TLN2: variants seen among roughly 807,000 people sequenced by gnomAD.
The protein encoded by TLN2 is talin 2.
TLN2 carries 118 observed loss-of-function variants against 294.7 expected under a neutral mutation model. That is an observed-to-expected ratio of 0.40 (90% CI 0.34 to 0.47). TLN2 has a LOEUF of 0.47. Among genes scored for constraint, TLN2 ranks in the 20% least tolerant of loss-of-function variants. The pLI, the probability that TLN2 is intolerant of heterozygous loss-of-function variation, is 0.84. For synonymous variants in TLN2, 1,431 were observed against 1,304.5 expected (o/e 1.10, Z -2.09); for missense variants, 3,083 against 3,282.2 (o/e 0.94, Z 1.48).
intron 1 of TLN2, among the ~76,000 whole-genome samples, chr15:62,453,056 T>C (rs1181607557): frequency 6.6e-6 from 1 of 152,222 alleles, no homozygotes; most frequent in African/African-American, 2.4e-5. Flanking sequence ...GAAATACTTA[T>C]ACTGCAGAAT....
At chr15:62,621,922 A>G (rs2140860724) in intron 3 of TLN2, among the ~76,000 whole-genome samples, 1 of 152,340 alleles carries the variant, frequency 6.6e-6, no homozygotes, top group African/African-American at 2.4e-5. Context: ...TCAGGACATA[A>G]AACCAGTTTG....
At chr15:62,686,596 T>G in intron 11 of TLN2, 45 bp from the exon 12 acceptor site, 1 of 1,576,894 alleles carries the variant, frequency 6.3e-7, no homozygotes, top group South Asian at 1.2e-5. Context: ...CAAAGTCAGA[T>G]GTATTCAGAA....
At chr15:62,550,346 G>A (rs565216712) in intron 1 of TLN2, among the ~76,000 whole-genome samples, 2 of 152,236 alleles carry the variant, frequency 1.3e-5, no homozygotes, top group Admixed American at 1.3e-4. Flanking sequence ...CTAAACTCAT[G>A]CAGCCGAAAA....
intron 1 of TLN2, among the ~76,000 whole-genome samples, chr15:62,518,067 TCTCA>T (rs2040271625): frequency 1.3e-5 from 2 of 151,698 alleles, no homozygotes; most frequent in South Asian, 4.2e-4. Context: ...TGAGATTGAG[TCTCA>T]CTCTGTCGCC....
Position 62,761,720 on chromosome 15 carries a change from T to C in TLN2, c.4678T>C (p.Cys1560Arg). The C allele has an allele frequency of 1.9e-6, 3 of 1,614,122 alleles. No individual in the cohort carries two copies. Among genetic ancestry groups the C allele is most frequent in the Non-Finnish European group, 1.7e-6 (2 of 1,180,022 alleles). The change falls in exon 38 of 59, where the codon TGT becomes CGT. Residue 1560 changes from cysteine to arginine, a missense_variant. Cys to Arg is a radical substitution (Grantham distance 180). Coordinates refer to ENST00000636159, the MANE Select transcript of TLN2 (RefSeq NM_015059.3). Reference protein sequence around the residue: ...GDFSEDNRNKCRIATAPLIEA... With the variant: ...GDFSEDNRNKRRIATAPLIEA... ...TTTCTCTGAAGACAACCGCAATAAG[T>C]GTCGCATCGCCACCGCACCCTTGAT...
intron 39 of TLN2, 47 bp downstream of exon 39, chr15:62,762,500 GA>G (rs779725182): frequency 6.3e-7 from 1 of 1,597,832 alleles, no homozygotes; most frequent in East Asian, 2.2e-5. Flanking sequence ...TCTCAGCGGG[GA>G]AGGAGGAGGA....
At chr15:62,601,354 C>T (rs923147974) in intron 2 of TLN2, among the ~76,000 whole-genome samples, 3 of 152,134 alleles carry the variant, frequency 2.0e-5, no homozygotes, top group African/African-American at 7.2e-5. Flanking sequence ...GTTTTTTGTT[C>T]TACAGTCTGG....
At chr15:62,582,289 G>C (rs1474697963) in intron 1 of TLN2, among the ~76,000 whole-genome samples, 1 of 144,766 alleles carries the variant, frequency 6.9e-6, no homozygotes, top group Non-Finnish European at 1.5e-5. Flanking sequence ...CTGTACCCCA[G>C]TTTTTTGGGG....
intron 3 of TLN2, among the ~76,000 whole-genome samples, chr15:62,629,000 C>T (rs1296229045): frequency 2.6e-5 from 4 of 151,998 alleles, no homozygotes; most frequent in Non-Finnish European, 4.4e-5. Flanking sequence ...AGTTTGCGAC[C>T]AGCCTGGACA....
intron 2 of TLN2, 62 bp from the exon 3 acceptor site, chr15:62,618,289 A>C (rs545214848): frequency 1.2e-4 from 18 of 152,216 alleles, no homozygotes; most frequent in Admixed American, 3.9e-4. Context: ...TTTCTGGTAC[A>C]AGATTTGTAA....
At chr15:62,527,817 T>C (rs894678159) in intron 1 of TLN2, among the ~76,000 whole-genome samples, 1 of 152,226 alleles carries the variant, frequency 6.6e-6, no homozygotes, top group African/African-American at 2.4e-5. Flanking sequence ...AGATGACCAT[T>C]ACTGAAAGTA....
Position 62,437,350 on chromosome 15 carries a change from C to T in TLN2, c.-238+46665C>T, listed in dbSNP as rs2035333787. 2.6e-5 allele frequency among the ~76,000 whole-genome samples: 4 copies of T among 151,854 alleles called. No individual in the cohort carries two copies. The South Asian group carries it at 8.3e-4, about 32-fold the overall frequency. On this transcript the variant is annotated intron_variant, in intron 1 of 58. Transcript: ENST00000636159. ...ATCTCCTGGTGATTGGTGGTGGCTG[C>T]TGAGAGAGATCATGAGGCCAGGTCA...
chr15:62,717,531 T>C, intron 23 of TLN2, 45 bp from the exon 24 acceptor site: 1 of 1,326,332 alleles, frequency 7.5e-7, no homozygotes, highest in Non-Finnish European at 1.0e-6. Flanking sequence ...AACATGCATG[T>C]ATATTGCATA....
Position 62,689,877 on chromosome 15 carries a change from T to TTTTTTTTTTTTTTTTTTTTTTTTTTA in TLN2, c.1114-2963_1114-2962insTTTTTTTTTTTTTTTTTTTTTTTTTA, listed in dbSNP as rs71131119. ...TTTTTTTTTTTTTTTTTTTTTTTTTTATTGGCTGACCCCCCTTCCTCCCTC... is the reference window on the plus strand; with the variant it reads ...TTTTTTTTTTTTTTTTTTTTTTTTTTTTTTTTTTTTTTTTTTTTTTTTTTTAATTGGCTGACCCCCCTTCCTCCCTC... On this transcript the variant is annotated intron_variant, in intron 12 of 58. Transcript: ENST00000636159. 1.1e-3 allele frequency among the ~76,000 whole-genome samples: 11 copies of TTTTTTTTTTTTTTTTTTTTTTTTTTA among 9,848 alleles called. 5 individuals carry two copies. Among genetic ancestry groups the TTTTTTTTTTTTTTTTTTTTTTTTTTA allele is most frequent in the Non-Finnish European group, 2.3e-3 (8 of 3,428 alleles). The allele number at this position is 9,848 out of a possible 152,430, so 6.5% of individuals were successfully genotyped here.
intron 37 of TLN2, among the ~76,000 whole-genome samples, chr15:62,756,347 C>T (rs949659850): frequency 5.3e-5 from 8 of 152,118 alleles, no homozygotes; most frequent in Admixed American, 1.3e-4. Flanking sequence ...ATCACTAGGC[C>T]TTAGTACTTG....
intron 2 of TLN2, among the ~76,000 whole-genome samples, chr15:62,604,498 C>T (rs2047253609): frequency 7.0e-6 from 1 of 142,960 alleles, no homozygotes; most frequent in Admixed American, 7.3e-5. Context: ...GCACTCCAGC[C>T]TGGGTGACAA....
At chr15:62,700,178 T>C (rs1021121350) in intron 16 of TLN2, among the ~76,000 whole-genome samples, 1 of 152,174 alleles carries the variant, frequency 6.6e-6, no homozygotes, top group Non-Finnish European at 1.5e-5. Flanking sequence ...GTATAATTGG[T>C]AGAGTTTTAA....
At chr15:62,417,311 C>G (rs979840965) in intron 1 of TLN2, among the ~76,000 whole-genome samples, 6 of 152,174 alleles carry the variant, frequency 3.9e-5, no homozygotes, top group Non-Finnish European at 8.8e-5. Context: ...CAGTCAGAAT[C>G]AGGGAAAAAT....
At chr15:62,551,061 C>G (rs866941712) in intron 1 of TLN2, among the ~76,000 whole-genome samples, 15 of 152,078 alleles carry the variant, frequency 9.9e-5, no homozygotes, top group Admixed American at 3.9e-4. Flanking sequence ...ATCAGGCATT[C>G]GATTCTCATA....
Sources: allele counts gnomAD v4.1 joint callset (sites outside exome capture counted in the v4.1 genomes callset), GRCh38; gene constraint gnomAD v4.1.1; transcripts MANE v1.5; gene names NCBI Gene and HGNC (gene_info 2026-07-23, HGNC 2026-07-21).